The following TEC variants were observed in gnomAD, a reference collection of about 807,000 sequenced individuals.
The protein encoded by TEC is tec protein tyrosine kinase.
In TEC, 72 loss-of-function variants were observed where a neutral mutation model predicts 93.0. The ratio of observed to expected loss-of-function variants is 0.77; its 90% CI spans 0.64 to 0.94. The LOEUF (loss-of-function observed/expected upper bound fraction) is 0.94, where lower values mean the gene tolerates loss of function less well. TEC is among the 40% of genes least tolerant of loss of function. The pLI is 0.00. For synonymous variants in TEC, 249 were observed against 247.7 expected, an observed-to-expected ratio of 1.01 and a Z score of -0.05; for missense variants, 630 against 757.9, an observed-to-expected ratio of 0.83 and a Z score of 1.98.
intron 4 of TEC, among the ~76,000 whole-genome samples, chr4:48,170,966 G>A (rs915399433): frequency 2.6e-5 from 4 of 151,978 alleles, no homozygotes; most frequent in African/African-American, 7.3e-5. Flanking sequence ...CAGGAGAATC[G>A]CTTGAACCCA....
At chr4:48,178,753 T>G (rs1319163416) in intron 2 of TEC, among the ~76,000 whole-genome samples, 1 of 152,182 alleles carries the variant, frequency 6.6e-6, no homozygotes, top group Non-Finnish European at 1.5e-5. Flanking sequence ...TCTCCCACCC[T>G]GCCTACAGAC....
At chr4:48,164,536 TAGTA>T (rs1720801378) in intron 7 of TEC, among the ~76,000 whole-genome samples, 1 of 144,744 alleles carries the variant, frequency 6.9e-6, no homozygotes, top group Admixed American at 7.1e-5. Flanking sequence ...TTTAAAGTAT[TAGTA>T]AGAACTCATA....
chr4:48,176,360 T>C (rs1423290644), intron 2 of TEC, among the ~76,000 whole-genome samples, 174 bp from the exon 3 acceptor site: 1 of 141,744 alleles, frequency 7.1e-6, no homozygotes, highest in Admixed American at 6.7e-5. Flanking sequence ...CTGTGATTAT[T>C]GTAATCAAAA....
intron 1 of TEC, among the ~76,000 whole-genome samples, chr4:48,245,828 G>T (rs1195680530): frequency 6.6e-6 from 1 of 151,950 alleles, no homozygotes. Flanking sequence ...CATTTACTTT[G>T]GGCCAAGCAC....
At chr4:48,209,215 G>A (rs1017927811) in intron 2 of TEC, among the ~76,000 whole-genome samples, 5 of 151,578 alleles carry the variant, frequency 3.3e-5, no homozygotes, top group Admixed American at 6.6e-5. Flanking sequence ...TTTTCTTCTC[G>A]TAATTTGGAT....
intron 3 of TEC, among the ~76,000 whole-genome samples, chr4:48,175,813 A>G (rs550650172): frequency 6.6e-6 from 1 of 152,314 alleles, no homozygotes; most frequent in African/African-American, 2.4e-5. Flanking sequence ...CAGCCTTTTA[A>G]TCTCATTTCC....
chr4:48,228,363 TA>T (rs1723544388), intron 2 of TEC, 113 bp downstream of exon 2: 1 of 1,150,560 alleles, frequency 8.7e-7, no homozygotes, highest in Non-Finnish European at 1.2e-6. Flanking sequence ...CAAATGATAA[TA>T]AATCATTACT....
At chr4:48,258,001 A>G (rs1724389731) in intron 1 of TEC, among the ~76,000 whole-genome samples, 1 of 152,224 alleles carries the variant, frequency 6.6e-6, no homozygotes, top group Non-Finnish European at 1.5e-5. Context: ...AACAGCTAAC[A>G]CTAGAAATTT....
intron 1 of TEC, among the ~76,000 whole-genome samples, chr4:48,232,457 C>T (rs979399137): frequency 2.6e-5 from 4 of 152,164 alleles, no homozygotes; most frequent in Non-Finnish European, 5.9e-5. Context: ...CAAGGTCACA[C>T]AAGCCAAGAC....
chr4:48,149,691 C>T lies in TEC; in HGVS notation c.873-1G>A. 6.3e-7 allele frequency: 1 copy of T among 1,595,080 alleles called. No homozygotes were observed. Among genetic ancestry groups the T allele is most frequent in the Non-Finnish European group, 8.5e-7 (1 of 1,174,268 alleles). On this transcript the variant is annotated splice_acceptor_variant, in intron 10 of 17. Transcript: ENST00000381501. LOFTEE classifies it high-confidence loss of function. ...ATGCCTAAAACCCGATGAACCTTCT[C>T]TAGAACAAAAATCAAAATGTGTCAG...
At chr4:48,269,351 C>A (rs1406953564) in intron 1 of TEC, among the ~76,000 whole-genome samples, 1 of 152,246 alleles carries the variant, frequency 6.6e-6, no homozygotes, top group Non-Finnish European at 1.5e-5. Flanking sequence ...AAGATCGCGC[C>A]GCCGCCCAAC....
chr4:48,155,693 T>A (rs1328335482), intron 9 of TEC: 3 of 152,160 alleles, frequency 2.0e-5, no homozygotes, highest in African/African-American at 7.2e-5. Context: ...GAGGAGACAC[T>A]CATGAGCAGG....
At chr4:48,207,055 G>A (rs563790896) in intron 2 of TEC, among the ~76,000 whole-genome samples, 39 of 152,310 alleles carry the variant, frequency 2.6e-4, no homozygotes, top group African/African-American at 8.7e-4. Flanking sequence ...CCGTTGACAG[G>A]AATCCAAGAA....
rs973924396 is a variant in TEC at position 48,157,471 on chromosome 4, TC to T, written c.738-738del. On this transcript the variant is annotated intron_variant, in intron 8 of 17. Coordinates refer to ENST00000381501, the MANE Select transcript of TEC (RefSeq NM_003215.3). ...GCAGCTGGTCTTCCCTCCCACCAGA[TC>T]TTTCCACCACCCTGTGCCACATCCC... 1.6e-4 allele frequency among the ~76,000 whole-genome samples: 25 copies of T among 152,288 alleles called. No individual in the cohort carries two copies. The Middle Eastern group carries it at 0.01, about 62-fold the overall frequency.
intron 2 of TEC, among the ~76,000 whole-genome samples, chr4:48,206,364 A>G (rs577147177): frequency 2.2e-4 from 33 of 152,362 alleles, no homozygotes; most frequent in African/African-American, 7.9e-4. Flanking sequence ...AAGAAAAAAG[A>G]GATATTAAGA....
chr4:48,164,986 G>A (rs999102013), intron 7 of TEC, among the ~76,000 whole-genome samples: 1 of 152,046 alleles, frequency 6.6e-6, no homozygotes, highest in African/African-American at 2.4e-5. Context: ...ACTCCAGCCT[G>A]CGAGACAGAA....
chr4:48,172,221 A>C (rs1318553585), intron 3 of TEC, among the ~76,000 whole-genome samples: 1 of 152,010 alleles, frequency 6.6e-6, no homozygotes, highest in Non-Finnish European at 1.5e-5. Flanking sequence ...TGGGAAACTA[A>C]GCCAGAAATT....
At chr4:48,241,294 C>T (rs1172757501) in intron 1 of TEC, among the ~76,000 whole-genome samples, 1 of 152,016 alleles carries the variant, frequency 6.6e-6, no homozygotes, top group Non-Finnish European at 1.5e-5. Context: ...TTGGAGTAGG[C>T]TTATGACTCC....
intron 2 of TEC, among the ~76,000 whole-genome samples, chr4:48,199,616 A>G (rs188834755): frequency 6.6e-6 from 1 of 151,198 alleles, no homozygotes. Flanking sequence ...ACAGGCACGC[A>G]CCACCACACC....
Sources: gnomAD v4.1 joint callset for allele counts (sites outside exome capture counted in the v4.1 genomes callset) on GRCh38, gnomAD v4.1.1 for gene constraint, MANE v1.5 for transcripts, NCBI Gene and HGNC (gene_info 2026-07-23, HGNC 2026-07-21) for gene names.